The following CPT2 variants were observed in gnomAD, a reference collection of about 807,000 sequenced individuals.
CPT2 encodes the protein carnitine palmitoyltransferase 2.
In CPT2, 37 loss-of-function variants were observed where a neutral mutation model predicts 48.6. The observed-to-expected ratio is 0.76, with a 90% CI of 0.59 to 1.00. The LOEUF (loss-of-function observed/expected upper bound fraction) is 1.00. Ranked by LOEUF, CPT2 falls within the 50% of genes least tolerant of loss-of-function variation. The pLI is 0.00. For synonymous variants in CPT2, 319 were observed against 326.9 expected (o/e 0.98, Z 0.26); for missense variants, 772 against 825.6 (o/e 0.94, Z 0.80).
intron 4 of CPT2, 143 bp from the exon 5 acceptor site, chr1:53,213,121 A>T: frequency 1.4e-6 from 1 of 728,682 alleles, no homozygotes; most frequent in Non-Finnish European, 2.4e-6. Context: ...AAGGTTAGTC[A>T]GTTGGTGGTG....
chr1:53,213,649 C>A lies in CPT2; in HGVS notation c.*54C>A. ...CTTCCTCATCATGAAAACTGGGAGG[C>A]CGGGCATGGTGGCTCATGCCTGTAA... On this transcript the variant is annotated 3_prime_UTR_variant, in exon 5 of 5. Transcript: ENST00000371486. The A allele has an allele frequency of 1.3e-6, 2 of 1,503,468 alleles. No individual in the cohort carries two copies. Among genetic ancestry groups the A allele is most frequent in the Non-Finnish European group, 9.1e-7 (1 of 1,095,550 alleles). 93.1% of individuals were successfully genotyped at this position (1,503,468 alleles called of 1,614,324 possible). A position where few individuals can be genotyped will look rare whatever the true frequency, so the allele number is the denominator to read the frequency against.
chr1:53,202,102 G>T (rs1408999519), intron 2 of CPT2: 13 of 509,606 alleles, frequency 2.6e-5, no homozygotes, highest in South Asian at 1.8e-4. Context: ...TATTTTGTGA[G>T]ATGTTGATTG....
chr1:53,202,217 C>T (rs1645357710), intron 2 of CPT2, 106 bp from the exon 3 acceptor site: 1 of 802,290 alleles, frequency 1.2e-6, no homozygotes, highest in Non-Finnish European at 2.2e-6. Context: ...GGTTTTAGGG[C>T]TATGCTGTTG....
intron 1 of CPT2, among the ~76,000 whole-genome samples, chr1:53,197,986 A>G (rs1175138968): frequency 1.3e-5 from 2 of 152,102 alleles, no homozygotes; most frequent in Non-Finnish European, 2.9e-5. Context: ...AAAGAGCCCT[A>G]GTAAATCCTC....
At chr1:53,206,541 C>A (rs1355850201) in intron 3 of CPT2, among the ~76,000 whole-genome samples, 1 of 152,200 alleles carries the variant, frequency 6.6e-6, no homozygotes, top group African/African-American at 2.4e-5. Flanking sequence ...GCCTTGGGAG[C>A]CCACTTCTTA....
Position 53,210,000 on chromosome 1 carries a change from C to A in CPT2, c.341-15C>A. On this transcript the variant is annotated splice_polypyrimidine_tract_variant and intron_variant, in intron 3 of 4. Transcript: ENST00000371486. ...CATTAACATTTTATGTTATTTTTTT[C>A]TTTTTATTTTTTAGGACCCTGGTTT... The A allele has an allele frequency of 6.2e-7, 1 of 1,601,626 alleles. No individual in the cohort carries two copies. Among genetic ancestry groups the A allele is most frequent in the African/African-American group, 1.3e-5 (1 of 74,384 alleles).
rs1645359151 is a variant in CPT2 at position 53,202,345 on chromosome 1, A to C, written c.256A>C (p.Ser86Arg). The C allele has an allele frequency of 1.2e-6, 2 of 1,613,954 alleles. No individual in the cohort carries two copies. Among genetic ancestry groups the C allele is most frequent in the South Asian group, 2.2e-5 (2 of 91,088 alleles). Residue 86 changes from serine (S) to arginine (R), a missense_variant, in exon 3 of 5, where the codon AGT (serine) becomes CGT (arginine). Ser to Arg is a moderately radical substitution (Grantham distance 110). Transcript: ENST00000371486. ...TAGGAAAACAGAACAATTTTGCAAG[A>C]GTTTTGAAAATGGGATTGGAAAAGA... ...QFRKTEQFCKSFENGIGKELH... is the reference protein window; with the variant it reads ...QFRKTEQFCKRFENGIGKELH...
At position 53,196,837 on chromosome 1, in the gene CPT2, A is replaced by T; in HGVS notation, c.-107A>T. ...TGGCCTGCGGGCGGAGAAGTGCCTCAGGAGTCCTGACGCAGTGTCTTGGGC... is the reference window on the plus strand; with the variant it reads ...TGGCCTGCGGGCGGAGAAGTGCCTCTGGAGTCCTGACGCAGTGTCTTGGGC... On this transcript the variant is annotated 5_prime_UTR_variant, in exon 1 of 5. Coordinates refer to ENST00000371486, the MANE Select transcript of CPT2 (RefSeq NM_000098.3). The T allele has an allele frequency of 1.4e-6, 2 of 1,403,092 alleles. No homozygotes were observed. The highest frequency in any genetic ancestry group is 1.9e-6 in the Non-Finnish European group (2 of 1,035,762). 86.9% of individuals were successfully genotyped at this position (1,403,092 alleles called of 1,614,324 possible).
Position 53,210,789 on chromosome 1 carries a change from A to T in CPT2, c.1115A>T (p.His372Leu). The T allele has an allele frequency of 5.6e-6, 9 of 1,614,006 alleles. No homozygotes were observed. Among genetic ancestry groups the T allele is most frequent in the Non-Finnish European group, 7.6e-6 (9 of 1,179,976 alleles). ...KDGSTAVHFE[H>L]SWGDGVAVLR... Reference sequence around the variant, plus strand: ...GGCTCTACTGCCGTCCACTTTGAGCACTCTTGGGGTGATGGTGTGGCAGTG... The same window carrying T: ...GGCTCTACTGCCGTCCACTTTGAGCTCTCTTGGGGTGATGGTGTGGCAGTG... Residue 372 changes from histidine (H) to leucine (L), a missense_variant, in exon 4 of 5, where the codon CAC (histidine) becomes CTC (leucine). Coordinates refer to ENST00000371486, the MANE Select transcript of CPT2 (RefSeq NM_000098.3).
intron 1 of CPT2, 111 bp downstream of exon 1, chr1:53,197,206 C>T: frequency 7.4e-7 from 1 of 1,344,714 alleles, no homozygotes; most frequent in Admixed American, 2.0e-5. Context: ...CCCCAAGCCC[C>T]TACCATGGAG....
Position 53,210,463 on chromosome 1 carries a change from T to C in CPT2, c.789T>C (p.Ile263=). 1 of 1,614,106 alleles carries C rather than the reference T, an allele frequency of 6.2e-7. No individual in the cohort carries two copies. The highest frequency in any genetic ancestry group is 8.5e-7 in the Non-Finnish European group (1 of 1,180,028). ...ATGTCCTGGATCAAGATGGGAACAT[T>C]GTGAGCCCCTCGGAAATCCAGGCAC... ...IFDVLDQDGN[I]VSPSEIQAHL... is the part of the protein sequence containing the mutation. Residue 263 remains isoleucine, a synonymous_variant, in exon 4 of 5, where the codon ATT becomes ATC. Transcript: ENST00000371486.
Position 53,213,301 on chromosome 1 carries a change from T to C in CPT2, c.1683T>C (p.His561=). 1.9e-6 allele frequency: 3 copies of C among 1,614,232 alleles called. No individual in the cohort carries two copies. The highest frequency in any genetic ancestry group is 2.5e-6 in the Non-Finnish European group (3 of 1,180,044). Reference sequence around the variant, plus strand: ...ACCGACACTTGTTTGCTCTGCGGCATCTGGCAGCAGCCAAAGGGATCATCT... The same window carrying C: ...ACCGACACTTGTTTGCTCTGCGGCACCTGGCAGCAGCCAAAGGGATCATCT... ...GFDRHLFALR[H]LAAAKGIILP... Residue 561 remains histidine (H), a synonymous_variant, in exon 5 of 5, where the codon CAT becomes CAC. Coordinates refer to ENST00000371486, the MANE Select transcript of CPT2 (RefSeq NM_000098.3).
chr1:53,197,735 G>T (rs931857961), intron 1 of CPT2, among the ~76,000 whole-genome samples: 1 of 151,650 alleles, frequency 6.6e-6, no homozygotes. Flanking sequence ...GTGTTCACCC[G>T]GAAACCTTTC....
In CPT2 at chr1:53,213,476, T is replaced by C. The variant is rs1040318543; in HGVS notation, c.1858T>C (p.Trp620Arg). Reference protein sequence around the residue: ...FGVGYAVHDNWIGCNVSSYPG... With the variant: ...FGVGYAVHDNRIGCNVSSYPG... ...TGTTGGGTATGCTGTTCATGACAACTGGATAGGCTGCAATGTCTCTTCCTA... is the reference window on the plus strand; with the variant it reads ...TGTTGGGTATGCTGTTCATGACAACCGGATAGGCTGCAATGTCTCTTCCTA... Residue 620 changes from tryptophan (W) to arginine (R), a missense_variant, in exon 5 of 5, where the codon TGG (tryptophan) becomes CGG (arginine). Transcript: ENST00000371486. The C allele has an allele frequency of 3.4e-5, 55 of 1,614,140 alleles. No homozygotes were observed. The highest frequency in any genetic ancestry group is 4.5e-5 in the Non-Finnish European group (53 of 1,180,054).
rs374043834 is a variant in CPT2 at position 53,213,655 on chromosome 1, A to G, written c.*60A>G. 3.9e-4 allele frequency: 563 copies of G among 1,439,138 alleles called. 3 individuals carry two copies. The African/African-American group carries it at 7.4e-3, about 19-fold the overall frequency. 89.1% of individuals were successfully genotyped at this position (1,439,138 alleles called of 1,614,324 possible). Reference sequence around the variant, plus strand: ...CATCATGAAAACTGGGAGGCCGGGCATGGTGGCTCATGCCTGTAATCCCAG... The same window carrying G: ...CATCATGAAAACTGGGAGGCCGGGCGTGGTGGCTCATGCCTGTAATCCCAG... On this transcript the variant is annotated 3_prime_UTR_variant, in exon 5 of 5. Transcript: ENST00000371486.
rs373638740 is a variant in CPT2, at chr1:53,210,365, C to T, written c.691C>T (p.Arg231Trp). The T allele has an allele frequency of 1.5e-4, 238 of 1,613,984 alleles. No homozygotes were observed. The highest frequency in any genetic ancestry group is 2.0e-4 in the Non-Finnish European group (231 of 1,180,050). ...FNSTRLPKPS[R>W]DELFTDDKAR... ...CTCAACTCGTTTACCCAAACCCAGT[C>T]GGGATGAACTCTTCACTGATGACAA... The change falls in exon 4 of 5, where the codon CGG becomes TGG. Residue 231 changes from arginine to tryptophan, a missense_variant. Physicochemically the swap from Arg to Trp is moderately radical, Grantham distance 101. Coordinates refer to ENST00000371486, the MANE Select transcript of CPT2 (RefSeq NM_000098.3).
rs1553169590 is a variant in CPT2, at chr1:53,210,022, G to T, written c.348G>T (p.Trp116Cys). The change falls in exon 4 of 5, where the codon TGG becomes TGT. Residue 116 changes from tryptophan (W) to cysteine (C), a missense_variant. Transcript: ENST00000371486. ...NKHTSYISGPWFDMYLSARDS... is the reference protein window; with the variant it reads ...NKHTSYISGPCFDMYLSARDS... ...TTTCTTTTTATTTTTTAGGACCCTG[G>T]TTTGATATGTACCTATCTGCTCGAG... The T allele has an allele frequency of 1.9e-6, 3 of 1,613,418 alleles. No individual in the cohort carries two copies. Among genetic ancestry groups the T allele is most frequent in the Non-Finnish European group, 2.5e-6 (3 of 1,179,608 alleles).
intron 4 of CPT2, chr1:53,212,671 G>C: frequency 2.5e-6 from 1 of 399,752 alleles, no homozygotes; most frequent in African/African-American, 2.1e-5. Flanking sequence ...TAAAATTCAA[G>C]ACCTGGAAAG....
In CPT2 at chr1:53,200,794, G is replaced by A. The variant is rs1645350275; in HGVS notation, c.228G>A (p.Gln76=). 1 of 1,612,694 alleles carries A rather than the reference G, an allele frequency of 6.2e-7. No individual in the cohort carries two copies. The highest frequency in any genetic ancestry group is 1.7e-5 in the Admixed American group (1 of 60,004). Residue 76 remains glutamine (Q), a synonymous_variant, in exon 2 of 5, where the codon CAG becomes CAA. Transcript: ENST00000371486. ...AGAAGCCTCTCTTGAATGATGGCCA[G>A]TTCAGGTAAACACTGAGAACCTTGG... ...SAQKPLLNDG[Q]FRKTEQFCKS... is the part of the protein sequence containing the mutation.
Sources: gnomAD v4.1 joint callset for allele counts (sites outside exome capture counted in the v4.1 genomes callset) on GRCh38, gnomAD v4.1.1 for gene constraint, MANE v1.5 for transcripts, NCBI Gene and HGNC (gene_info 2026-07-23, HGNC 2026-07-21) for gene names.